Variants in PLCE1 observed in about 807,000 individuals in gnomAD.
PLCE1 encodes the protein 1-phosphatidylinositol 4,5-bisphosphate phosphodiesterase epsilon-1.
PLCE1 carries 119 observed loss-of-function variants against 242.8 expected under a neutral mutation model. The observed-to-expected ratio is 0.49, with a 90% CI of 0.42 to 0.57. The LOEUF is 0.57. PLCE1 is among the 20% of genes least tolerant of loss of function. PLCE1 has a pLI of 0.00. For missense variants in PLCE1, 2,441 were observed against 2,788.8 expected (o/e 0.88, Z 2.81); for synonymous variants, 945 against 1,017.4 (o/e 0.93, Z 1.35).
chr10:94,205,310 A>G (rs1295266485), intron 4 of PLCE1, among the ~76,000 whole-genome samples: 1 of 152,060 alleles, frequency 6.6e-6, no homozygotes, highest in African/African-American at 2.4e-5. Flanking sequence ...GAGGGAGGGG[A>G]TTTCATTTCC....
intron 29 of PLCE1, among the ~76,000 whole-genome samples, chr10:94,318,903 C>A (rs559216244): frequency 1.3e-5 from 2 of 152,228 alleles, no homozygotes; most frequent in East Asian, 3.9e-4. Context: ...CAAAAATTAG[C>A]AGGGCGTGGT....
At chr10:94,146,661 T>G (rs908628196) in intron 3 of PLCE1, among the ~76,000 whole-genome samples, 12 of 152,212 alleles carry the variant, frequency 7.9e-5, no homozygotes, top group African/African-American at 2.7e-4. Context: ...TGGACGCCTT[T>G]CAGAGTTATC....
intron 7 of PLCE1, among the ~76,000 whole-genome samples, chr10:94,238,276 A>G (rs2050388148): frequency 6.6e-6 from 1 of 152,174 alleles, no homozygotes; most frequent in South Asian, 2.1e-4. Context: ...CAAAAAACAA[A>G]CTTCAAGATC....
intron 2 of PLCE1, among the ~76,000 whole-genome samples, chr10:94,056,166 T>G (rs911570401): frequency 6.6e-6 from 1 of 152,216 alleles, no homozygotes; most frequent in African/African-American, 2.4e-5. Context: ...TTATTTTGGT[T>G]TCATTTTAAA....
intron 1 of PLCE1, among the ~76,000 whole-genome samples, chr10:94,007,572 TCTC>T (rs2061062926): frequency 7.9e-6 from 1 of 126,804 alleles, no homozygotes; most frequent in Admixed American, 8.3e-5. Context: ...ACATTCTCTC[TCTC>T]TTTTTTTTTT....
intron 16 of PLCE1, 74 bp from the exon 17 acceptor site, chr10:94,268,855 C>A: frequency 1.2e-6 from 1 of 827,912 alleles, no homozygotes; most frequent in Non-Finnish European, 2.1e-6. Flanking sequence ...ATATGTAGAA[C>A]TACATGCTGG....
At chr10:94,315,873 G>A (rs1203844792) in intron 28 of PLCE1, among the ~76,000 whole-genome samples, 1 of 150,784 alleles carries the variant, frequency 6.6e-6, no homozygotes, top group East Asian at 2.0e-4. Flanking sequence ...ACAAAATTAA[G>A]ATTGCTACTA....
chr10:94,127,055 G>A (rs897595710), intron 2 of PLCE1, among the ~76,000 whole-genome samples: 1 of 152,132 alleles, frequency 6.6e-6, no homozygotes, highest in African/African-American at 2.4e-5. Flanking sequence ...ACTTCTCTAG[G>A]CTTACTTTCC....
intron 2 of PLCE1, among the ~76,000 whole-genome samples, chr10:94,051,890 G>A (rs1187411114): frequency 6.6e-6 from 1 of 152,140 alleles, no homozygotes; most frequent in Non-Finnish European, 1.5e-5. Context: ...CACTCTCCTT[G>A]TAAAGAAAAA....
At chr10:94,264,812 G>A (rs1025894693) in intron 14 of PLCE1, among the ~76,000 whole-genome samples, 6 of 152,172 alleles carry the variant, frequency 3.9e-5, no homozygotes, top group South Asian at 2.1e-4. Context: ...GAGCCACCGC[G>A]CCTGGCTGAT....
At chr10:94,216,730 A>G (rs1163659412) in intron 4 of PLCE1, among the ~76,000 whole-genome samples, 1 of 152,072 alleles carries the variant, frequency 6.6e-6, no homozygotes, top group Non-Finnish European at 1.5e-5. Flanking sequence ...TACATGACAG[A>G]ATAGGAACAT....
At chr10:94,075,303 C>T (rs557375162) in intron 2 of PLCE1, among the ~76,000 whole-genome samples, 18 of 152,186 alleles carry the variant, frequency 1.2e-4, no homozygotes, top group African/African-American at 1.2e-4. Flanking sequence ...CCATCTAATA[C>T]GAAGTAGGTG....
rs367867424 is a variant in PLCE1 at position 94,284,845 on chromosome 10, C to T, written c.4918-3C>T. On this transcript the variant is annotated splice_polypyrimidine_tract_variant and splice_region_variant and intron_variant, in intron 21 of 32. Transcript: ENST00000371380. Reference sequence around the variant, plus strand: ...TAAAATGGTATCATTTTTCCCTTACCAGGTTTATGATATGGAACTGGGAGA... The same window carrying T: ...TAAAATGGTATCATTTTTCCCTTACTAGGTTTATGATATGGAACTGGGAGA... The T allele has an allele frequency of 8.7e-5, 130 of 1,497,160 alleles. 1 individual carries two copies. In the Middle Eastern group the frequency reaches 5.3e-3, roughly 61 times the overall value. 92.7% of individuals were successfully genotyped at this position (1,497,160 alleles called of 1,614,324 possible).
At chr10:94,246,862 A>G (rs1342966919) in intron 8 of PLCE1, among the ~76,000 whole-genome samples, 1 of 152,236 alleles carries the variant, frequency 6.6e-6, no homozygotes, top group East Asian at 1.9e-4. Flanking sequence ...CTGTAATCCC[A>G]GCACTCTGGG....
At chr10:94,196,699 A>G (rs1182978198) in intron 4 of PLCE1, among the ~76,000 whole-genome samples, 1 of 152,198 alleles carries the variant, frequency 6.6e-6, no homozygotes, top group Non-Finnish European at 1.5e-5. Context: ...GGTGGGACTC[A>G]CCAGCCCAGA....
chr10:94,241,006 C>G (rs2050486508), intron 7 of PLCE1, among the ~76,000 whole-genome samples: 1 of 152,164 alleles, frequency 6.6e-6, no homozygotes, highest in Admixed American at 6.5e-5. Flanking sequence ...ATAACATTCA[C>G]TATATCATGT....
chr10:94,247,252 A>G (rs1295339531), intron 8 of PLCE1, among the ~76,000 whole-genome samples: 2 of 152,020 alleles, frequency 1.3e-5, no homozygotes, highest in African/African-American at 4.8e-5. Context: ...ATAGTAACTG[A>G]AAATGCTTAT....
In PLCE1 at chr10:94,283,774, G is replaced by A. The variant is rs951884935; in HGVS notation, c.4796-16G>A. On this transcript the variant is annotated splice_polypyrimidine_tract_variant and intron_variant, in intron 20 of 32. Transcript: ENST00000371380. ...ATTGGGTTCGTTTTCACTGAAGTCTGCTAACTTATTTTCAGACAACATTCT... is the reference window on the plus strand; with the variant it reads ...ATTGGGTTCGTTTTCACTGAAGTCTACTAACTTATTTTCAGACAACATTCT... 3 of 1,607,882 alleles carry A rather than the reference G, an allele frequency of 1.9e-6. No homozygotes were observed. Among genetic ancestry groups the A allele is most frequent in the Middle Eastern group, 1.7e-4 (1 of 5,860 alleles).
At chr10:94,139,082 AGGCCAACCT>A (rs2046876378) in intron 3 of PLCE1, 3 of 152,658 alleles carry the variant, frequency 2.0e-5, no homozygotes, top group Admixed American at 6.5e-5. Flanking sequence ...CAGGAGTTCG[AGGCCAACCT>A]GGCCAACATG....
Sources: gnomAD v4.1 joint callset for allele counts (sites outside exome capture counted in the v4.1 genomes callset) on GRCh38, gnomAD v4.1.1 for gene constraint, MANE v1.5 for transcripts, NCBI Gene and HGNC (gene_info 2026-07-23, HGNC 2026-07-21) for gene names.